Variants in CCDC175 observed in about 807,000 individuals in gnomAD.
CCDC175 encodes coiled-coil domain containing 175.
In CCDC175, 100 loss-of-function variants were observed where a neutral mutation model predicts 114.6. The observed-to-expected ratio is 0.87, with a 90% confidence interval of 0.74 to 1.03. CCDC175 has a LOEUF of 1.03. Among genes scored for constraint, CCDC175 ranks in the 50% least tolerant of loss-of-function variants. The pLI, the probability that CCDC175 is intolerant of heterozygous loss-of-function variation, is 0.00. For synonymous variants in CCDC175, 306 were observed against 308.7 expected, an observed-to-expected ratio of 0.99 and a Z score of 0.09; for missense variants, 880 against 917.8, an observed-to-expected ratio of 0.96 and a Z score of 0.53.
intron 17 of CCDC175, among the ~76,000 whole-genome samples, chr14:59,514,526 C>T (rs545018065): frequency 6.6e-6 from 1 of 152,126 alleles, no homozygotes; most frequent in Non-Finnish European, 1.5e-5. Flanking sequence ...AATGCATAAG[C>T]CTCAGTAGCC....
intron 7 of CCDC175, among the ~76,000 whole-genome samples, chr14:59,554,170 C>A (rs886187235): frequency 2.0e-5 from 3 of 152,210 alleles, no homozygotes; most frequent in Non-Finnish European, 2.9e-5. Context: ...ACGTTCTTCT[C>A]AGCACCACAC....
intron 6 of CCDC175, among the ~76,000 whole-genome samples, chr14:59,562,054 C>T (rs1688577359): frequency 6.6e-6 from 1 of 152,218 alleles, no homozygotes; most frequent in Admixed American, 6.5e-5. Context: ...AAAATGGTTT[C>T]TTTCTCTAGA....
At chr14:59,528,511 T>C (rs1893876784) in intron 14 of CCDC175, among the ~76,000 whole-genome samples, 1 of 152,036 alleles carries the variant, frequency 6.6e-6, no homozygotes, top group Non-Finnish European at 1.5e-5. Flanking sequence ...TCGTCATATA[T>C]AGTAGAGGAG....
intron 1 of CCDC175, 41 bp from the exon 2 acceptor site, chr14:59,575,069 A>C (rs1566644472): frequency 8.8e-7 from 1 of 1,133,778 alleles, no homozygotes; most frequent in Non-Finnish European, 1.2e-6. Flanking sequence ...TTATTTATCT[A>C]TCCAAATCCT....
chr14:59,527,270 A>C, intron 14 of CCDC175, 96 bp from the exon 15 acceptor site: 1 of 665,316 alleles, frequency 1.5e-6, no homozygotes, highest in Non-Finnish European at 2.4e-6. Context: ...TTATCTCACA[A>C]GGTTTATAAC....
chr14:59,573,455 A>G (rs923041262), intron 2 of CCDC175, among the ~76,000 whole-genome samples: 10 of 152,194 alleles, frequency 6.6e-5, no homozygotes, highest in African/African-American at 9.7e-5. Flanking sequence ...ATGAAATTCA[A>G]TGCAGTTATC....
intron 3 of CCDC175, among the ~76,000 whole-genome samples, chr14:59,570,173 A>C (rs1340169665): frequency 2.6e-5 from 4 of 152,118 alleles, no homozygotes; most frequent in Non-Finnish European, 2.9e-5. Flanking sequence ...GAAGCTACTC[A>C]AGGGGTACTG....
chr14:59,529,283 G>A (rs2140000654), intron 14 of CCDC175, among the ~76,000 whole-genome samples: 1 of 152,256 alleles, frequency 6.6e-6, no homozygotes, highest in South Asian at 2.1e-4. Context: ...GATCTCAGTG[G>A]GGATCTCAGT....
intron 14 of CCDC175, among the ~76,000 whole-genome samples, chr14:59,530,621 C>G (rs530298630): frequency 6.6e-6 from 1 of 152,084 alleles, no homozygotes; most frequent in African/African-American, 2.4e-5. Flanking sequence ...GGAGTGGGTA[C>G]CAGGCCAATT....
chr14:59,517,865 C>A (rs956437347), intron 17 of CCDC175, among the ~76,000 whole-genome samples: 1 of 152,158 alleles, frequency 6.6e-6, no homozygotes, highest in African/African-American at 2.4e-5. Context: ...ATCGCCAAGT[C>A]AATCCTAAGC....
chr14:59,517,992 A>G (rs2139972952), intron 17 of CCDC175, among the ~76,000 whole-genome samples: 1 of 152,308 alleles, frequency 6.6e-6, no homozygotes, highest in Middle Eastern at 3.4e-3. Flanking sequence ...AATGGAACCG[A>G]ACAGAGCCCT....
intron 17 of CCDC175, among the ~76,000 whole-genome samples, chr14:59,512,953 A>C (rs1892837461): frequency 6.6e-6 from 1 of 152,196 alleles, no homozygotes; most frequent in Non-Finnish European, 1.5e-5. Context: ...CCTGATGTTC[A>C]GACTGCATGT....
At position 59,518,609 on chromosome 14, in the gene CCDC175, C is replaced by A. The variant is rs1348958180; in HGVS notation, c.2098+2965G>T. Among the ~76,000 whole-genome samples, 3 of 152,258 alleles carry A rather than the reference C, an allele frequency of 2.0e-5. No individual in the cohort carries two copies. In the East Asian group the frequency reaches 5.8e-4, roughly 29 times the overall value. On this transcript the variant is annotated intron_variant, in intron 17 of 19. Coordinates refer to ENST00000537690, the MANE Select transcript of CCDC175 (RefSeq NM_001164399.2). ...ACATCAGAGAAATGCAAATCAAAAC[C>A]ACAATGAGATACCATCTCACACCAG...
At chr14:59,505,533 TG>T (rs1203814744) in intron 19 of CCDC175, 2 of 321,848 alleles carry the variant, frequency 6.2e-6, no homozygotes, top group Non-Finnish European at 1.1e-5. Context: ...TCATATGTCC[TG>T]TTCTAGCAGA....
chr14:59,533,663 C>T (rs186938106), intron 13 of CCDC175, among the ~76,000 whole-genome samples: 3 of 151,794 alleles, frequency 2.0e-5, no homozygotes, highest in East Asian at 1.9e-4. Context: ...GTACATTTCT[C>T]CAGACTGCAA....
intron 7 of CCDC175, among the ~76,000 whole-genome samples, chr14:59,552,958 G>T (rs1210731896): frequency 6.6e-6 from 1 of 152,186 alleles, no homozygotes; most frequent in East Asian, 1.9e-4. Flanking sequence ...AGAAATATGG[G>T]ACTATGTGAA....
chr14:59,532,103 C>A (rs567130484), intron 13 of CCDC175, among the ~76,000 whole-genome samples, 193 bp from the exon 14 acceptor site: 1 of 152,318 alleles, frequency 6.6e-6, no homozygotes, highest in African/African-American at 2.4e-5. Flanking sequence ...GACACTCTGA[C>A]AATCCACAAA....
At chr14:59,554,182 G>A (rs7401491) in intron 7 of CCDC175, among the ~76,000 whole-genome samples, 67,915 of 152,068 alleles carry the variant, frequency 0.45, 17,416 homozygotes, top group East Asian at 0.81. Flanking sequence ...GCACCACACA[G>A]CACTTATTCC....
chr14:59,516,891 C>T (rs1893122950), intron 17 of CCDC175, among the ~76,000 whole-genome samples: 1 of 152,102 alleles, frequency 6.6e-6, no homozygotes, highest in African/African-American at 2.4e-5. Flanking sequence ...GACCAATATC[C>T]CTGATGAACA....
Sources: allele counts gnomAD v4.1 joint callset (sites outside exome capture counted in the v4.1 genomes callset), GRCh38; gene constraint gnomAD v4.1.1; transcripts MANE v1.5; gene names NCBI Gene and HGNC (gene_info 2026-07-23, HGNC 2026-07-21).